Variants in DMXL2 observed in about 807,000 individuals in gnomAD.
DMXL2 encodes dmX-like protein 2.
Under a neutral mutation model 331.1 loss-of-function variants are expected in DMXL2, and 103 were observed. The observed-to-expected ratio is 0.31, with a 90% CI of 0.27 to 0.37. The LOEUF is 0.37. Among genes scored for constraint, DMXL2 ranks in the 10% least tolerant of loss-of-function variants. The probability of loss-of-function intolerance (pLI) is 1.00; values close to 1 mark genes in which losing one functional copy is unlikely to be tolerated. For missense variants in DMXL2, 3,171 were observed against 3,642.9 expected, an observed-to-expected ratio of 0.87 and a Z score of 3.33; for synonymous variants, 1,281 against 1,252.1, an observed-to-expected ratio of 1.02 and a Z score of -0.49.
chr15:51,603,411 A>G (rs2141334196), intron 1 of DMXL2, among the ~76,000 whole-genome samples: 1 of 152,328 alleles, frequency 6.6e-6, no homozygotes. Context: ...AAGCTGAAAC[A>G]TATTACTAGG....
intron 1 of DMXL2, among the ~76,000 whole-genome samples, chr15:51,618,200 T>G (rs1462288983): frequency 6.6e-6 from 1 of 152,220 alleles, no homozygotes; most frequent in Non-Finnish European, 1.5e-5. Flanking sequence ...GCTGGTAATA[T>G]TGCACAGCTG....
intron 19 of DMXL2, 125 bp downstream of exon 19, chr15:51,494,899 A>G: frequency 1.8e-6 from 1 of 562,922 alleles, no homozygotes; most frequent in Admixed American, 3.2e-5. Context: ...TGACAGAAAG[A>G]TCTTAAGCCA....
chr15:51,485,926 C>T lies in DMXL2; in HGVS notation c.5482+147G>A, dbSNP rs553241622. The T allele has an allele frequency of 8.2e-4, 659 of 807,390 alleles. 2 individuals carry two copies. Among genetic ancestry groups the T allele is most frequent in the Non-Finnish European group, 1.1e-3 (595 of 540,788 alleles). 50.0% of individuals were successfully genotyped at this position (807,390 alleles called of 1,614,324 possible). The stretch of plus-strand genomic sequence containing the variant: ...AATAGGATGGTAATCCTATCTAATC[C>T]TTTAGACACACAAGAAATTTTAATA... On this transcript the variant is annotated intron_variant, in intron 23 of 43. Coordinates refer to ENST00000560891, the MANE Select transcript of DMXL2 (RefSeq NM_001378457.1).
At chr15:51,515,780 T>G (rs1242845234) in intron 14 of DMXL2, among the ~76,000 whole-genome samples, 1 of 152,134 alleles carries the variant, frequency 6.6e-6, no homozygotes, top group African/African-American at 2.4e-5. Context: ...TAATATCCCA[T>G]GGTAATGAGT....
At chr15:51,591,940 G>C (rs1022972804) in intron 1 of DMXL2, among the ~76,000 whole-genome samples, 2 of 148,138 alleles carry the variant, frequency 1.4e-5, no homozygotes, top group African/African-American at 5.0e-5. Context: ...AAAGACCAAA[G>C]GTAGATAAAA....
At chr15:51,541,943 G>A (rs1189984684) in intron 9 of DMXL2, among the ~76,000 whole-genome samples, 3 of 152,090 alleles carry the variant, frequency 2.0e-5, no homozygotes, top group African/African-American at 7.2e-5. Flanking sequence ...TGAGATATAA[G>A]GAAAACTTTG....
chr15:51,502,012 C>A (rs1470686094), intron 17 of DMXL2, among the ~76,000 whole-genome samples: 1 of 150,796 alleles, frequency 6.6e-6, no homozygotes, highest in Non-Finnish European at 1.5e-5. Context: ...GGGTGGATCA[C>A]GAGGTCAGGA....
intron 37 of DMXL2, 123 bp downstream of exon 37, chr15:51,457,205 A>G: frequency 9.9e-7 from 1 of 1,011,378 alleles, no homozygotes; most frequent in Non-Finnish European, 1.4e-6. Context: ...GTCAGCTGTC[A>G]TTATCATGGC....
At chr15:51,615,763 G>A (rs1320660273) in intron 1 of DMXL2, among the ~76,000 whole-genome samples, 1 of 152,174 alleles carries the variant, frequency 6.6e-6, no homozygotes, top group Non-Finnish European at 1.5e-5. Context: ...ATGCAGTCAA[G>A]GCCAGAGATG....
chr15:51,500,422 G>A (rs2043507337), intron 17 of DMXL2, among the ~76,000 whole-genome samples, 191 bp from the exon 18 acceptor site: 1 of 152,176 alleles, frequency 6.6e-6, no homozygotes. Context: ...AGGTCTTGAA[G>A]AGCCCATCAG....
In DMXL2 at chr15:51,506,705, G is replaced by A. The variant is rs1386622353; in HGVS notation, c.2764+429C>T. On this transcript the variant is annotated intron_variant, in intron 16 of 43. Transcript: ENST00000560891. Reference sequence around the variant, plus strand: ...CCTGACCTCGTGATCCGCCCACCTCGGCCTCCCAGAGTGCTGGGATTACAG... The same window carrying A: ...CCTGACCTCGTGATCCGCCCACCTCAGCCTCCCAGAGTGCTGGGATTACAG... 1.7e-4 allele frequency among the ~76,000 whole-genome samples: 26 copies of A among 150,990 alleles called. 1 individual carries two copies. The highest frequency in any genetic ancestry group is 1.7e-3 in the Admixed American group (26 of 15,184).
At chr15:51,595,203 G>A (rs1472919719) in intron 1 of DMXL2, among the ~76,000 whole-genome samples, 1 of 152,218 alleles carries the variant, frequency 6.6e-6, no homozygotes, top group Non-Finnish European at 1.5e-5. Flanking sequence ...TCCTTAAGCT[G>A]ATAGGCAACT....
intron 23 of DMXL2, among the ~76,000 whole-genome samples, chr15:51,481,864 G>T (rs1382804664): frequency 2.0e-5 from 3 of 152,150 alleles, no homozygotes; most frequent in Non-Finnish European, 4.4e-5. Flanking sequence ...CTAAGAAAAA[G>T]AAGATGCAGA....
intron 25 of DMXL2, among the ~76,000 whole-genome samples, chr15:51,479,242 G>T (rs1038169518): frequency 6.6e-6 from 1 of 152,166 alleles, no homozygotes; most frequent in Non-Finnish European, 1.5e-5. Flanking sequence ...CTGCCAGAGA[G>T]TAAATGTGCC....
intron 1 of DMXL2, among the ~76,000 whole-genome samples, chr15:51,618,084 C>T (rs570381309): frequency 7.2e-5 from 11 of 152,300 alleles, no homozygotes; most frequent in African/African-American, 2.4e-4. Flanking sequence ...CCTCTCAGCA[C>T]AGGTTAACAC....
chr15:51,604,223 C>T (rs1176027087), intron 1 of DMXL2, among the ~76,000 whole-genome samples: 2 of 147,996 alleles, frequency 1.4e-5, no homozygotes, highest in Non-Finnish European at 3.0e-5. Flanking sequence ...TAATAACTTT[C>T]AGCAAACAAG....
intron 23 of DMXL2, among the ~76,000 whole-genome samples, chr15:51,482,568 C>T (rs2042093876): frequency 6.6e-6 from 1 of 152,066 alleles, no homozygotes. Context: ...ATCCTGGTGC[C>T]CAAACTATAG....
intron 23 of DMXL2, among the ~76,000 whole-genome samples, chr15:51,484,606 T>C (rs1682798062): frequency 6.6e-6 from 1 of 152,084 alleles, no homozygotes; most frequent in Non-Finnish European, 1.5e-5. Flanking sequence ...AGAGGCAACT[T>C]TTTCTGCCAG....
intron 1 of DMXL2, among the ~76,000 whole-genome samples, chr15:51,620,740 G>A (rs1381531086): frequency 2.0e-5 from 3 of 152,180 alleles, no homozygotes; most frequent in Admixed American, 6.5e-5. Flanking sequence ...ACAGTGCAGA[G>A]TCAACTAGAC....
Sources: gnomAD v4.1 joint callset for allele counts (sites outside exome capture counted in the v4.1 genomes callset) on GRCh38, gnomAD v4.1.1 for gene constraint, MANE v1.5 for transcripts, NCBI Gene and HGNC (gene_info 2026-07-23, HGNC 2026-07-21) for gene names.